Variants in DLC1 observed in about 807,000 individuals in gnomAD.
The protein encoded by DLC1 is DLC1 Rho GTPase activating protein.
Under a neutral mutation model 140.3 loss-of-function variants are expected in DLC1, and 54 were observed. That is an observed-to-expected ratio of 0.38 (90% CI 0.31 to 0.48). The LOEUF is 0.48. DLC1 is among the 20% of genes least tolerant of loss of function. The probability of loss-of-function intolerance (pLI) is 0.96; values close to 1 mark genes in which losing one functional copy is unlikely to be tolerated. For missense variants in DLC1, 2,536 were observed against 1,907.0 expected, an observed-to-expected ratio of 1.33 and a Z score of -6.14; for synonymous variants, 986 against 728.1, an observed-to-expected ratio of 1.35 and a Z score of -5.70.
chr8:13,168,848 C>T (rs1825276212), intron 5 of DLC1, among the ~76,000 whole-genome samples: 1 of 152,200 alleles, frequency 6.6e-6, no homozygotes, highest in Admixed American at 6.5e-5. Flanking sequence ...AAATTCCCCA[C>T]AGCAGTCAGG....
chr8:13,300,401 A>G (rs1399060824), intron 5 of DLC1, among the ~76,000 whole-genome samples: 1 of 152,180 alleles, frequency 6.6e-6, no homozygotes, highest in East Asian at 1.9e-4. Flanking sequence ...TACGTAACAA[A>G]TTTGCACATC....
chr8:13,120,630 T>C (rs1192859657), intron 5 of DLC1, among the ~76,000 whole-genome samples: 5 of 151,702 alleles, frequency 3.3e-5, no homozygotes, highest in African/African-American at 1.2e-4. Context: ...AAACTAAAAA[T>C]ACAATGGAAA....
chr8:13,253,778 T>C lies in DLC1; in HGVS notation c.1348+51491A>G, dbSNP rs919079037. 2.6e-5 allele frequency among the ~76,000 whole-genome samples: 4 copies of C among 152,200 alleles called. No homozygotes were observed. The South Asian group carries it at 8.3e-4, about 31-fold the overall frequency. On this transcript the variant is annotated intron_variant, in intron 5 of 17. Coordinates refer to ENST00000276297, the MANE Select transcript of DLC1 (RefSeq NM_182643.3). The stretch of plus-strand genomic sequence containing the variant: ...TCAGTTAGTCTGAGTCAATGCCATA[T>C]GCTAATTTCATTTCCCCCTCTTTTT...
At chr8:13,269,867 C>G (rs1296816758) in intron 5 of DLC1, among the ~76,000 whole-genome samples, 2 of 149,778 alleles carry the variant, frequency 1.3e-5, no homozygotes, top group Non-Finnish European at 3.0e-5. Context: ...ACCATCCTGG[C>G]TAACACGGTG....
chr8:13,158,430 T>C (rs1045212547), intron 5 of DLC1, among the ~76,000 whole-genome samples: 2 of 152,216 alleles, frequency 1.3e-5, no homozygotes, highest in Admixed American at 6.5e-5. Context: ...TATTCAATTG[T>C]ACCTTGACCC....
intron 5 of DLC1, among the ~76,000 whole-genome samples, chr8:13,169,050 TA>T (rs1263244866): frequency 7.2e-5 from 11 of 152,258 alleles, no homozygotes; most frequent in African/African-American, 2.7e-4. Context: ...CAGCCATAAA[TA>T]GTACATAGGC....
At chr8:13,581,321 C>G (rs998138322) in intron 1 of DLC1, among the ~76,000 whole-genome samples, 2 of 152,162 alleles carry the variant, frequency 1.3e-5, no homozygotes, top group African/African-American at 4.8e-5. Flanking sequence ...GAACCATTTG[C>G]TTCTAAATAG....
rs143289229 is a variant in DLC1 at position 13,561,903 on chromosome 8, A to G, written c.-126+42634T>C. Reference sequence around the variant, plus strand: ...ATTAGATATCAAAGACAAAGCAATTACTGACATAAAAATTAGAAAGCAAGA... The same window carrying G: ...ATTAGATATCAAAGACAAAGCAATTGCTGACATAAAAATTAGAAAGCAAGA... On this transcript the variant is annotated intron_variant, in intron 1 of 1. Coordinates refer to the DLC1 transcript ENST00000631382. Among the ~76,000 whole-genome samples, 1,123 of 152,342 alleles carry G rather than the reference A, an allele frequency of 7.4e-3. 4 individuals carry two copies. The highest frequency in any genetic ancestry group is 0.011 in the Non-Finnish European group (776 of 68,028).
chr8:13,230,930 G>A (rs1829020935), intron 5 of DLC1, among the ~76,000 whole-genome samples: 1 of 152,002 alleles, frequency 6.6e-6, no homozygotes, highest in Admixed American at 6.6e-5. Flanking sequence ...GGATTTTCAG[G>A]ATTGCTTTGA....
intron 1 of DLC1, among the ~76,000 whole-genome samples, chr8:13,568,603 C>T (rs2117404384): frequency 6.6e-6 from 1 of 151,820 alleles, no homozygotes; most frequent in Admixed American, 6.6e-5. Flanking sequence ...AGAAGAGAAG[C>T]AGGGTTGATA....
At chr8:13,463,609 G>A (rs149738565) in intron 2 of DLC1, among the ~76,000 whole-genome samples, 1 of 152,206 alleles carries the variant, frequency 6.6e-6, no homozygotes, top group East Asian at 1.9e-4. Context: ...ATAGACACAA[G>A]AATTCTTTTG....
intron 6 of DLC1, among the ~76,000 whole-genome samples, chr8:13,112,386 G>C (rs1461677452): frequency 6.6e-6 from 1 of 152,162 alleles, no homozygotes; most frequent in East Asian, 1.9e-4. Flanking sequence ...TAATATATCA[G>C]AATGAGTATA....
At chr8:13,587,580 A>G (rs960773566) in intron 1 of DLC1, among the ~76,000 whole-genome samples, 136 of 127,022 alleles carry the variant, frequency 1.1e-3, no homozygotes, top group African/African-American at 3.7e-3. Flanking sequence ...GAGAGAGAGA[A>G]AATATATATA....
At position 13,100,021 on chromosome 8, in the gene DLC1, C is replaced by G; in HGVS notation, c.2316G>C (p.Val772=). 6.2e-7 allele frequency: 1 copy of G among 1,612,900 alleles called. No homozygotes were observed. The highest frequency in any genetic ancestry group is 8.5e-7 in the Non-Finnish European group (1 of 1,180,038). ...TRSLSACNKR[V]GMYLEGFDPF... ...GATCGAAGCCCTCTAAGTACATGCCCACCCGCTTGTTGCACGCACTGAGGC... is the reference window on the plus strand; with the variant it reads ...GATCGAAGCCCTCTAAGTACATGCCGACCCGCTTGTTGCACGCACTGAGGC... The change falls in exon 9 of 18, where the codon GTG becomes GTC. Residue 772 remains valine, a synonymous_variant. Coordinates refer to ENST00000276297, the MANE Select transcript of DLC1 (RefSeq NM_182643.3).
intron 6 of DLC1, among the ~76,000 whole-genome samples, chr8:13,114,920 G>A (rs1473089262): frequency 6.6e-6 from 1 of 152,152 alleles, no homozygotes; most frequent in Non-Finnish European, 1.5e-5. Flanking sequence ...CGAAAAGCTT[G>A]CATTTTAAAA....
At chr8:13,452,235 A>G (rs1377917716) in intron 2 of DLC1, among the ~76,000 whole-genome samples, 1 of 151,726 alleles carries the variant, frequency 6.6e-6, no homozygotes, top group Non-Finnish European at 1.5e-5. Flanking sequence ...ATGCATTAAA[A>G]TAAACATGTA....
chr8:13,458,658 G>A (rs544537966), intron 2 of DLC1, among the ~76,000 whole-genome samples: 4 of 152,198 alleles, frequency 2.6e-5, no homozygotes, highest in African/African-American at 4.8e-5. Context: ...CTGTCACTTC[G>A]TATGTCAGTA....
At chr8:13,233,076 C>T (rs549601919) in intron 5 of DLC1, among the ~76,000 whole-genome samples, 6 of 152,170 alleles carry the variant, frequency 3.9e-5, no homozygotes, top group Non-Finnish European at 5.9e-5. Flanking sequence ...GGATGTATCA[C>T]TTGAGGCCAG....
At chr8:13,163,017 T>A (rs1824836430) in intron 5 of DLC1, among the ~76,000 whole-genome samples, 1 of 152,194 alleles carries the variant, frequency 6.6e-6, no homozygotes, top group South Asian at 2.1e-4. Flanking sequence ...CTGTACTTGT[T>A]GACACCATGT....
Sources: gnomAD v4.1 joint callset for allele counts (sites outside exome capture counted in the v4.1 genomes callset) on GRCh38, gnomAD v4.1.1 for gene constraint, MANE v1.5 for transcripts, NCBI Gene and HGNC (gene_info 2026-07-23, HGNC 2026-07-21) for gene names.